The following ZFP1 variants were observed in gnomAD, a reference collection of about 807,000 sequenced individuals.
ZFP1 encodes ZFP1 zinc finger protein.
Under a neutral mutation model 38.5 loss-of-function variants are expected in ZFP1, and 32 were observed. The observed-to-expected ratio is 0.83, with a 90% CI of 0.63 to 1.12. The LOEUF is 1.12. ZFP1 is among the 50% of genes most tolerant of loss of function. The pLI, the probability that ZFP1 is intolerant of heterozygous loss-of-function variation, is 0.00. For missense variants in ZFP1, 616 were observed against 480.8 expected, an observed-to-expected ratio of 1.28 and a Z score of -2.63; for synonymous variants, 245 against 168.8, an observed-to-expected ratio of 1.45 and a Z score of -3.50.
At chr16:75,168,017 C>T (rs2038192432) in intron 3 of ZFP1, among the ~76,000 whole-genome samples, 1 of 152,050 alleles carries the variant, frequency 6.6e-6, no homozygotes, top group South Asian at 2.1e-4. Flanking sequence ...GCTGAGATCA[C>T]ACCATTATAC....
chr16:75,163,297 G>GT lies in ZFP1; in HGVS notation c.16-3465dup, dbSNP rs1232286997. Reference sequence around the variant, plus strand: ...TCTGCCCTCCCCAGCGTGCATTGTTGTTTTTTTTGTTTTGTTTTGTTTTTT... The same window carrying GT: ...TCTGCCCTCCCCAGCGTGCATTGTTGTTTTTTTTTGTTTTGTTTTGTTTTTT... On this transcript the variant is annotated intron_variant, in intron 2 of 3. Coordinates refer to ENST00000570010, the MANE Select transcript of ZFP1 (RefSeq NM_153688.4). 6.0e-5 allele frequency among the ~76,000 whole-genome samples: 9 copies of GT among 150,660 alleles called. 1 individual carries two copies. In the East Asian group the frequency reaches 6.0e-4, roughly 10 times the overall value.
chr16:75,130,484 A>T, the ZFP1 span, among the ~76,000 whole-genome samples: 1 of 152,060 alleles, frequency 6.6e-6, no homozygotes, highest in African/African-American at 2.4e-5. Flanking sequence ...TACCAGCTGA[A>T]TGTTCCTAGA....
upstream of ZFP1, among the ~76,000 whole-genome samples, chr16:75,147,873 T>C (rs1235445712): frequency 2.0e-5 from 3 of 152,230 alleles, no homozygotes; most frequent in East Asian, 3.8e-4. Context: ...GTTGACAATA[T>C]TGTGTACTTG....
chr16:75,162,065 GTGAACC>G (rs1325712058), intron 2 of ZFP1, among the ~76,000 whole-genome samples: 1 of 151,500 alleles, frequency 6.6e-6, no homozygotes, highest in Non-Finnish European at 1.5e-5. Flanking sequence ...GATCACAGGC[GTGAACC>G]ACCGTGCCCA....
upstream of ZFP1, among the ~76,000 whole-genome samples, chr16:75,147,150 A>G (rs954649498): frequency 6.6e-6 from 1 of 152,170 alleles, no homozygotes; most frequent in South Asian, 2.1e-4. Flanking sequence ...AATGGAGCAC[A>G]GATGATTTTT....
chr16:75,149,724 A>G (rs1275737049), intron 1 of ZFP1, among the ~76,000 whole-genome samples: 1 of 151,524 alleles, frequency 6.6e-6, no homozygotes, highest in Non-Finnish European at 1.5e-5. Flanking sequence ...GCGTCCGGCC[A>G]GACACAATTT....
chr16:75,137,655 A>G, the ZFP1 span, among the ~76,000 whole-genome samples: 1 of 151,238 alleles, frequency 6.6e-6, no homozygotes, highest in South Asian at 2.1e-4. Flanking sequence ...TTTAGTAGAG[A>G]CGGGGTTTCA....
chr16:75,124,711 T>C, the ZFP1 span, among the ~76,000 whole-genome samples: 1 of 139,570 alleles, frequency 7.2e-6, no homozygotes, highest in African/African-American at 2.7e-5. Flanking sequence ...GGCATGAACC[T>C]GGGAGGCGGA....
intron 1 of ZFP1, among the ~76,000 whole-genome samples, chr16:75,152,462 T>C (rs911661060): frequency 4.6e-5 from 7 of 152,352 alleles, no homozygotes; most frequent in Non-Finnish European, 8.8e-5. Flanking sequence ...CTTTGTCTAC[T>C]AATGAACCTG....
At chr16:75,168,188 G>C (rs1436747601) in intron 3 of ZFP1, among the ~76,000 whole-genome samples, 1 of 151,300 alleles carries the variant, frequency 6.6e-6, no homozygotes, top group Non-Finnish European at 1.5e-5. Flanking sequence ...CTATGTGAAA[G>C]GGTAGTTCTG....
At chr16:75,128,425 G>A in the ZFP1 span, among the ~76,000 whole-genome samples, 1 of 152,182 alleles carries the variant, frequency 6.6e-6, no homozygotes, top group Non-Finnish European at 1.5e-5. Flanking sequence ...ATTAGGCCAA[G>A]TACAATAAAG....
At chr16:75,158,015 T>C (rs574935514) in intron 2 of ZFP1, among the ~76,000 whole-genome samples, 1 of 152,066 alleles carries the variant, frequency 6.6e-6, no homozygotes, top group East Asian at 1.9e-4. Context: ...CTCAAACCCC[T>C]AGGCTTACGA....
intron 2 of ZFP1, among the ~76,000 whole-genome samples, chr16:75,158,905 CTTT>C (rs71158583): frequency 8.0e-5 from 10 of 125,146 alleles, no homozygotes; most frequent in Admixed American, 2.4e-4. Context: ...TTTGTCTTGT[CTTT>C]TTTTTTTTTT....
intron 2 of ZFP1, among the ~76,000 whole-genome samples, chr16:75,154,456 C>T (rs533629351): frequency 6.6e-6 from 1 of 152,010 alleles, no homozygotes; most frequent in Non-Finnish European, 1.5e-5. Context: ...TGGATAAATA[C>T]CAAGGCCCCT....
At chr16:75,120,232 T>A in the ZFP1 span, among the ~76,000 whole-genome samples, 143 of 152,336 alleles carry the variant, frequency 9.4e-4, no homozygotes, top group Non-Finnish European at 1.8e-3. Flanking sequence ...AAGAATCTTG[T>A]CTTTTTTTGA....
At chr16:75,149,986 T>C (rs1349865197) in intron 1 of ZFP1, among the ~76,000 whole-genome samples, 2 of 151,270 alleles carry the variant, frequency 1.3e-5, no homozygotes, top group East Asian at 2.0e-4. Flanking sequence ...GGTTTCACCA[T>C]GTTGGCCCGG....
chr16:75,152,816 G>A, intron 1 of ZFP1, 93 bp from the exon 2 acceptor site: 1 of 1,175,236 alleles, frequency 8.5e-7, no homozygotes, highest in Non-Finnish European at 1.2e-6. Flanking sequence ...ATTTTCCCAG[G>A]TGGTCTCTAG....
chr16:75,133,875 C>G, the ZFP1 span, among the ~76,000 whole-genome samples: 3 of 152,038 alleles, frequency 2.0e-5, no homozygotes, highest in African/African-American at 7.3e-5. Flanking sequence ...ATGGTGAAAC[C>G]CCGTCTGTAA....
the ZFP1 span, among the ~76,000 whole-genome samples, chr16:75,133,867 G>T: frequency 0.31 from 46,772 of 151,988 alleles, 7,404 homozygotes; most frequent in Non-Finnish European, 0.34. Flanking sequence ...TGGCCAACAT[G>T]GTGAAACCCC....
Sources: gnomAD v4.1 joint callset for allele counts (sites outside exome capture counted in the v4.1 genomes callset) on GRCh38, gnomAD v4.1.1 for gene constraint, MANE v1.5 for transcripts, NCBI Gene and HGNC (gene_info 2026-07-23, HGNC 2026-07-21) for gene names.